The following DAB1 variants were observed in gnomAD, a reference collection of about 807,000 sequenced individuals.
DAB1 encodes the protein DAB adaptor protein 1.
Under a neutral mutation model 64.6 loss-of-function variants are expected in DAB1, and 15 were observed. The ratio of observed to expected loss-of-function variants is 0.23; its 90% confidence interval spans 0.16 to 0.36. The LOEUF (loss-of-function observed/expected upper bound fraction) is 0.36. DAB1 is among the 10% of genes least tolerant of loss of function. DAB1 has a pLI of 1.00. For synonymous variants in DAB1, 235 were observed against 251.9 expected, an observed-to-expected ratio of 0.93 and a Z score of 0.64; for missense variants, 596 against 706.7, an observed-to-expected ratio of 0.84 and a Z score of 1.78.
chr1:58,492,319 T>G (rs1645710636), intron 3 of DAB1, among the ~76,000 whole-genome samples: 2 of 151,702 alleles, frequency 1.3e-5, no homozygotes, highest in African/African-American at 4.9e-5. Context: ...GCAGGAAAGA[T>G]CTAAAATTGA....
intron 5 of DAB1, among the ~76,000 whole-genome samples, chr1:57,935,684 T>C (rs1467822649): frequency 2.0e-5 from 3 of 152,092 alleles, no homozygotes; most frequent in African/African-American, 7.2e-5. Context: ...CTAAGGTCAG[T>C]TGAGGGGTCA....
chr1:57,186,088 T>G (rs189283541), intron 2 of DAB1, among the ~76,000 whole-genome samples: 11 of 152,306 alleles, frequency 7.2e-5, no homozygotes, highest in Admixed American at 3.9e-4. Context: ...GGTGAATCAA[T>G]GTCCCTGCAG....
At chr1:58,215,246 C>G (rs566823868) in intron 4 of DAB1, among the ~76,000 whole-genome samples, 26 of 152,158 alleles carry the variant, frequency 1.7e-4, no homozygotes, top group African/African-American at 5.8e-4. Context: ...TTCCATTTAC[C>G]TAAAATTCTT....
intron 4 of DAB1, among the ~76,000 whole-genome samples, chr1:57,073,084 G>A (rs1247480544): frequency 6.6e-6 from 1 of 152,170 alleles, no homozygotes; most frequent in Non-Finnish European, 1.5e-5. Flanking sequence ...TACCACCTGA[G>A]TGAAACTTCC....
At chr1:58,083,723 G>A (rs1650137965) in intron 5 of DAB1, among the ~76,000 whole-genome samples, 2 of 152,314 alleles carry the variant, frequency 1.3e-5, no homozygotes, top group South Asian at 4.1e-4. Flanking sequence ...CTCTAGAGAG[G>A]AAGCCAAACA....
chr1:58,004,813 T>C (rs977955610), intron 5 of DAB1, among the ~76,000 whole-genome samples: 1 of 152,132 alleles, frequency 6.6e-6, no homozygotes, highest in African/African-American at 2.4e-5. Flanking sequence ...AGAGAGGCAC[T>C]CAACACAGGA....
At chr1:58,522,905 G>C (rs1488708369) in intron 2 of DAB1, among the ~76,000 whole-genome samples, 1 of 152,224 alleles carries the variant, frequency 6.6e-6, no homozygotes, top group Non-Finnish European at 1.5e-5. Context: ...AGGAAGAGGA[G>C]AGTTGGTCTT....
chr1:57,292,911 G>A (rs575758681), intron 1 of DAB1, among the ~76,000 whole-genome samples: 1 of 152,084 alleles, frequency 6.6e-6, no homozygotes, highest in Non-Finnish European at 1.5e-5. Context: ...TCTTTGCTTG[G>A]AAGGGTTAAT....
intron 9 of DAB1, among the ~76,000 whole-genome samples, chr1:57,053,214 C>T (rs1270603659): frequency 6.6e-6 from 1 of 152,144 alleles, no homozygotes; most frequent in Non-Finnish European, 1.5e-5. Context: ...CTGATCATTC[C>T]TTTCAATTTC....
At position 57,678,122 on chromosome 1, in the gene DAB1, G is replaced by A. The variant is rs1339172173; in HGVS notation, n.552-28457C>T. Among the ~76,000 whole-genome samples the A allele has an allele frequency of 2.6e-5, 4 of 152,240 alleles. No individual in the cohort carries two copies. The East Asian group carries it at 5.8e-4, about 22-fold the overall frequency. Reference sequence around the variant, plus strand: ...AAATCCACAGACATGAAACCTAGAAGGGGGAGGAGACTCCAGGATTCATAG... The same window carrying A: ...AAATCCACAGACATGAAACCTAGAAAGGGGAGGAGACTCCAGGATTCATAG... On this transcript the variant is annotated intron_variant and non_coding_transcript_variant, in intron 6 of 20. Transcript: ENST00000485760.
At chr1:58,475,569 A>G (rs1446197913) in intron 3 of DAB1, among the ~76,000 whole-genome samples, 1 of 152,170 alleles carries the variant, frequency 6.6e-6, no homozygotes, top group Admixed American at 6.5e-5. Context: ...CTCAGGTAGG[A>G]AGACATCATC....
chr1:58,465,774 A>C (rs1390435901), intron 3 of DAB1, among the ~76,000 whole-genome samples: 1 of 152,122 alleles, frequency 6.6e-6, no homozygotes, highest in Non-Finnish European at 1.5e-5. Flanking sequence ...TTCTGTCACA[A>C]CCTTAGGAGA....
chr1:58,509,693 G>A (rs1646044583), intron 2 of DAB1, among the ~76,000 whole-genome samples: 1 of 148,752 alleles, frequency 6.7e-6, no homozygotes, highest in Admixed American at 6.7e-5. Flanking sequence ...TAAAAAAATA[G>A]AAAAAAATTA....
chr1:58,287,609 C>A (rs1454209936), intron 4 of DAB1, among the ~76,000 whole-genome samples: 1 of 152,098 alleles, frequency 6.6e-6, no homozygotes, highest in East Asian at 1.9e-4. Flanking sequence ...AGAGCAACTG[C>A]CTCAAGGGGC....
At chr1:58,471,528 T>A (rs1450597196) in intron 3 of DAB1, among the ~76,000 whole-genome samples, 3 of 152,180 alleles carry the variant, frequency 2.0e-5, no homozygotes, top group Non-Finnish European at 4.4e-5. Flanking sequence ...AGAGGAAAAG[T>A]GGCTATTGGC....
At chr1:57,883,152 C>T (rs1251514999) in intron 1 of DAB1, among the ~76,000 whole-genome samples, 1 of 152,128 alleles carries the variant, frequency 6.6e-6, no homozygotes, top group Admixed American at 6.5e-5. Context: ...CTTTGATATC[C>T]AGGTCAATCT....
chr1:57,061,622 A>T (rs570821650), intron 9 of DAB1, among the ~76,000 whole-genome samples: 1 of 152,318 alleles, frequency 6.6e-6, no homozygotes, highest in South Asian at 2.1e-4. Context: ...CAGTTCCAGG[A>T]CTTGGCTGAC....
intron 4 of DAB1, among the ~76,000 whole-genome samples, chr1:58,326,267 T>A (rs1662822411): frequency 6.6e-6 from 1 of 152,200 alleles, no homozygotes; most frequent in South Asian, 2.1e-4. Context: ...AGATTGCGAT[T>A]TTTAAATAAC....
intron 7 of DAB1, among the ~76,000 whole-genome samples, chr1:57,628,621 C>T (rs1440648591): frequency 6.8e-6 from 1 of 147,026 alleles, no homozygotes. Context: ...TATCTAACCT[C>T]TTTGGTCATA....
Sources: gnomAD v4.1 joint callset for allele counts (sites outside exome capture counted in the v4.1 genomes callset) on GRCh38, gnomAD v4.1.1 for gene constraint, MANE v1.5 for transcripts, NCBI Gene and HGNC (gene_info 2026-07-23, HGNC 2026-07-21) for gene names.